Variants in ARHGEF7 observed in about 807,000 individuals in gnomAD.
ARHGEF7 encodes the protein Rho guanine nucleotide exchange factor 7.
ARHGEF7 carries 33 observed loss-of-function variants against 109.8 expected under a neutral mutation model. The ratio of observed to expected loss-of-function variants is 0.30; its 90% CI spans 0.23 to 0.40. The LOEUF is 0.40. Ranked by LOEUF, ARHGEF7 falls within the 10% of genes least tolerant of loss-of-function variation. ARHGEF7 has a pLI of 1.00. For synonymous variants in ARHGEF7, 458 were observed against 424.6 expected, an observed-to-expected ratio of 1.08 and a Z score of -0.97; for missense variants, 938 against 1,098.5, an observed-to-expected ratio of 0.85 and a Z score of 2.07.
chr13:111,294,661 C>T, intron 19 of ARHGEF7: 1 of 985,424 alleles, frequency 1.0e-6, no homozygotes, highest in Non-Finnish European at 1.2e-6. Flanking sequence ...AAAGACAGTT[C>T]TCCTGTGGCA....
intron 7 of ARHGEF7, 64 bp from the exon 8 acceptor site, chr13:111,244,135 G>A (rs2088340779): frequency 1.5e-6 from 2 of 1,345,164 alleles, no homozygotes; most frequent in Non-Finnish European, 1.0e-6. Flanking sequence ...CATTGGGATG[G>A]CAAAGGAGAA....
chr13:111,283,489 G>A, intron 16 of ARHGEF7, 126 bp downstream of exon 16: 2 of 1,415,262 alleles, frequency 1.4e-6, no homozygotes, highest in Non-Finnish European at 9.3e-7. Flanking sequence ...ACTGAGAAGG[G>A]GGGGTCTGCC....
At chr13:111,215,523 G>A (rs1375956051) in intron 4 of ARHGEF7, among the ~76,000 whole-genome samples, 1 of 152,154 alleles carries the variant, frequency 6.6e-6, no homozygotes. Context: ...TGGTTTCACT[G>A]AGATCGGTGT....
At chr13:111,235,707 T>G (rs2086710847) in intron 6 of ARHGEF7, among the ~76,000 whole-genome samples, 2 of 152,254 alleles carry the variant, frequency 1.3e-5, no homozygotes, top group South Asian at 4.1e-4. Context: ...CAGCTTTCCT[T>G]AATTTTATAT....
intron 20 of ARHGEF7, 113 bp downstream of exon 20, chr13:111,300,960 T>G (rs2093552738): frequency 6.5e-6 from 4 of 611,404 alleles, no homozygotes; most frequent in Non-Finnish European, 1.1e-5. Flanking sequence ...CACTTTTTTT[T>G]TTTTTGAGAC....
At position 111,292,232 on chromosome 13, in the gene ARHGEF7, C is replaced by T. The variant is rs781474251; in HGVS notation, c.2249C>T (p.Ser750Leu). ...SLSRLEPSDL[S>L]EDSDYDSIWT... Reference sequence around the variant, plus strand: ...TCTCGTTTGGAGCCTTCAGACCTCTCGGAAGACTCTGACTATGACAGTATA... The same window carrying T: ...TCTCGTTTGGAGCCTTCAGACCTCTTGGAAGACTCTGACTATGACAGTATA... The change falls in exon 19 of 22, where the codon TCG becomes TTG. Residue 750 changes from serine (S) to leucine (L), a missense_variant. Ser to Leu is a moderately radical substitution (Grantham distance 145). Around this residue, in one of 4 missense-constraint regions of ARHGEF7, gnomAD observed 166 missense variants for 167.3 expected, o/e 0.99. Transcript: ENST00000646102. The T allele has an allele frequency of 8.1e-6, 13 of 1,614,086 alleles. No individual in the cohort carries two copies. The highest frequency in any genetic ancestry group is 8.0e-5 in the African/African-American group (6 of 74,926).
intron 2 of ARHGEF7, among the ~76,000 whole-genome samples, chr13:111,179,081 C>CTTT (rs869163230): frequency 1.1e-5 from 1 of 89,538 alleles, no homozygotes; most frequent in African/African-American, 4.1e-5. Context: ...AATGCCTGTT[C>CTTT]TTTTTTTTTT....
At chr13:111,246,540 G>T (rs754802005) in intron 8 of ARHGEF7, among the ~76,000 whole-genome samples, 6 of 152,190 alleles carry the variant, frequency 3.9e-5, no homozygotes, top group Non-Finnish European at 8.8e-5. Context: ...GAATGCCAGA[G>T]TAACAGAATA....
chr13:111,297,941 C>T (rs2030227565), intron 19 of ARHGEF7, among the ~76,000 whole-genome samples: 1 of 152,220 alleles, frequency 6.6e-6, no homozygotes, highest in Non-Finnish European at 1.5e-5. Flanking sequence ...TCCAGTGTGT[C>T]TCATTAGTGA....
intron 1 of ARHGEF7, among the ~76,000 whole-genome samples, chr13:111,139,487 T>G (rs1270288654): frequency 1.3e-5 from 2 of 152,252 alleles, no homozygotes; most frequent in African/African-American, 4.8e-5. Flanking sequence ...GAGCGTGTTT[T>G]GTCCCCCTTG....
chr13:111,141,135 T>G (rs560497132), intron 1 of ARHGEF7, among the ~76,000 whole-genome samples: 5 of 152,318 alleles, frequency 3.3e-5, no homozygotes, highest in African/African-American at 1.2e-4. Context: ...TTACAATTGA[T>G]AAGATGATAC....
At chr13:111,127,662 AAAAAAAAAAAAG>A (rs1440735131) in intron 1 of ARHGEF7, among the ~76,000 whole-genome samples, 1 of 149,894 alleles carries the variant, frequency 6.7e-6, no homozygotes, top group Non-Finnish European at 1.5e-5. Context: ...AAAAAAAAAA[AAAAAAAAAAAAG>A]AAGGAAGGAA....
chr13:111,161,289 C>G (rs376054479), intron 2 of ARHGEF7, among the ~76,000 whole-genome samples: 3 of 152,016 alleles, frequency 2.0e-5, no homozygotes, highest in South Asian at 4.1e-4. Flanking sequence ...TTTTTTGATT[C>G]AGGGTTATTG....
chr13:111,265,358 T>TA, intron 8 of ARHGEF7: 1 of 353,832 alleles, frequency 2.8e-6, no homozygotes, highest in Admixed American at 3.8e-5. Context: ...AAGAAATGAA[T>TA]AAAAAATGGT....
At position 111,303,302 on chromosome 13, in the gene ARHGEF7, C is replaced by A; in HGVS notation, c.*189C>A. 2.0e-6 allele frequency: 1 copy of A among 505,970 alleles called. No homozygotes were observed. The highest frequency in any genetic ancestry group is 3.4e-6 in the Non-Finnish European group (1 of 294,012). The allele number at this position is 505,970 out of a possible 1,614,324, so 31.3% of individuals were successfully genotyped here. ...TCAAACCATGACTGATGAATCCAGA[C>A]AGGAGGGATTGACTCTGAGGACCTG... On this transcript the variant is annotated 3_prime_UTR_variant, in exon 22 of 22. Transcript: ENST00000646102.
intron 2 of ARHGEF7, among the ~76,000 whole-genome samples, chr13:111,170,619 A>G (rs918744485): frequency 1.3e-5 from 2 of 152,168 alleles, no homozygotes; most frequent in African/African-American, 4.8e-5. Flanking sequence ...GGCCGGGGAA[A>G]GTGCTGTGTG....
chr13:111,124,950 G>C (rs966002260), intron 1 of ARHGEF7, among the ~76,000 whole-genome samples: 2 of 152,132 alleles, frequency 1.3e-5, no homozygotes, highest in African/African-American at 4.8e-5. Context: ...AGTAGAGACA[G>C]GGTTTCACCA....
rs533548477 is a variant in ARHGEF7 at position 111,141,827 on chromosome 13, G to C, written c.166-12078G>C. On this transcript the variant is annotated intron_variant, in intron 1 of 21. Transcript: ENST00000646102. ...TGTGGACATACGTTTTCAGCCCCACGTGGGTAAATATAATACCAAGGAGCA... is the reference window on the plus strand; with the variant it reads ...TGTGGACATACGTTTTCAGCCCCACCTGGGTAAATATAATACCAAGGAGCA... Among the ~76,000 whole-genome samples, 3 of 152,292 alleles carry C rather than the reference G, an allele frequency of 2.0e-5. No individual in the cohort carries two copies. In the East Asian group the frequency reaches 5.8e-4, roughly 29 times the overall value.
intron 2 of ARHGEF7, among the ~76,000 whole-genome samples, chr13:111,180,620 G>A (rs1049561897): frequency 4.6e-5 from 7 of 152,196 alleles, no homozygotes; most frequent in African/African-American, 1.4e-4. Context: ...GATGTAGAGA[G>A]GTTAAGGAAG....
Sources: gnomAD v4.1 joint callset for allele counts (sites outside exome capture counted in the v4.1 genomes callset) on GRCh38, gnomAD v4.1.1 for gene constraint, gnomAD v4.1.1 regional missense constraint, MANE v1.5 for transcripts, NCBI Gene and HGNC (gene_info 2026-07-23, HGNC 2026-07-21) for gene names.